PRUNE2: variants seen among roughly 807,000 people sequenced by gnomAD.
PRUNE2 encodes prune homolog 2 with BCH domain.
A neutral mutation model predicts 252.0 loss-of-function variants in PRUNE2; 164 were observed. The observed-to-expected ratio is 0.65, with a 90% CI of 0.57 to 0.74. PRUNE2 has a LOEUF of 0.74. Ranked by LOEUF, PRUNE2 falls within the 30% of genes least tolerant of loss-of-function variation. The pLI, the probability that PRUNE2 is intolerant of heterozygous loss-of-function variation, is 0.00. For missense variants in PRUNE2, 3,495 were observed against 3,711.0 expected (o/e 0.94, Z 1.51); for synonymous variants, 1,292 against 1,350.2 (o/e 0.96, Z 0.94).
At chr9:76,642,307 A>G (rs554271535) in intron 12 of PRUNE2, among the ~76,000 whole-genome samples, 1 of 152,356 alleles carries the variant, frequency 6.6e-6, no homozygotes, top group South Asian at 2.1e-4. Flanking sequence ...TACCAAGGTT[A>G]CAGACTAGTA....
intron 4 of PRUNE2, among the ~76,000 whole-genome samples, chr9:76,827,383 C>T (rs778676816): frequency 1.3e-3 from 191 of 152,098 alleles, no homozygotes; most frequent in Non-Finnish European, 1.5e-3. Context: ...GTGTGAAGGA[C>T]CTTGCACAAA....
intron 4 of PRUNE2, among the ~76,000 whole-genome samples, chr9:76,828,171 GA>G (rs1421333942): frequency 6.6e-6 from 1 of 152,238 alleles, no homozygotes; most frequent in Non-Finnish European, 1.5e-5. Context: ...TCTTCCTAGA[GA>G]AAGTTAACCT....
intron 6 of PRUNE2, among the ~76,000 whole-genome samples, chr9:76,728,954 T>C (rs1438325687): frequency 6.6e-6 from 1 of 152,234 alleles, no homozygotes; most frequent in Non-Finnish European, 1.5e-5. Context: ...TACAACTCCA[T>C]TAACAGTAAG....
intron 1 of PRUNE2, among the ~76,000 whole-genome samples, chr9:76,891,836 G>A (rs2062493621): frequency 6.6e-6 from 1 of 152,100 alleles, no homozygotes; most frequent in Non-Finnish European, 1.5e-5. Context: ...GGGCAAGGCT[G>A]GACTTAACCT....
At chr9:76,880,059 A>C (rs1019240050) in intron 1 of PRUNE2, among the ~76,000 whole-genome samples, 45 of 151,120 alleles carry the variant, frequency 3.0e-4, no homozygotes, top group Admixed American at 1.2e-3. Context: ...GACTACAGGC[A>C]CGCGCCACCA....
chr9:76,648,614 C>T (rs1845924732), intron 11 of PRUNE2, among the ~76,000 whole-genome samples: 1 of 152,144 alleles, frequency 6.6e-6, no homozygotes, highest in African/African-American at 2.4e-5. Flanking sequence ...AGAGGCAAAA[C>T]TATGGAGACA....
At chr9:76,794,202 C>T (rs528426838) in intron 6 of PRUNE2, among the ~76,000 whole-genome samples, 4 of 152,274 alleles carry the variant, frequency 2.6e-5, no homozygotes, top group East Asian at 1.9e-4. Context: ...CAACGAGATA[C>T]GGTGCTTCAG....
At position 76,612,106 on chromosome 9, in the gene PRUNE2, C is replaced by T. The variant is rs953100265; in HGVS notation, c.*2464G>A. The T allele has an allele frequency of 1.3e-5, 2 of 152,214 alleles. No individual in the cohort carries two copies. The highest frequency in any genetic ancestry group is 2.9e-5 in the Non-Finnish European group (2 of 68,048). 9.4% of individuals were successfully genotyped at this position (152,214 alleles called of 1,614,324 possible). On this transcript the variant is annotated 3_prime_UTR_variant, in exon 19 of 19. Coordinates refer to ENST00000376718, the MANE Select transcript of PRUNE2 (RefSeq NM_015225.3). The stretch of plus-strand genomic sequence containing the variant: ...TGTACATGGTAGCTTTTCCCTAGCA[C>T]ATGCAATTAAATTAATTTGTCTTTT...
chr9:76,713,807 G>A, intron 6 of PRUNE2, 86 bp from the exon 7 acceptor site: 1 of 824,974 alleles, frequency 1.2e-6, no homozygotes. Flanking sequence ...GTCTTATGAT[G>A]TATTTAGGAG....
At chr9:76,734,059 G>C (rs17081141) in intron 6 of PRUNE2, among the ~76,000 whole-genome samples, 7,964 of 151,982 alleles carry the variant, frequency 0.052, 663 homozygotes, top group African/African-American at 0.18. Flanking sequence ...TTCAATGGAA[G>C]GGCTACTCAA....
At chr9:76,826,819 A>G (rs1408143629) in intron 4 of PRUNE2, 87 bp from the exon 5 acceptor site, 1 of 1,104,758 alleles carries the variant, frequency 9.1e-7, no homozygotes, top group East Asian at 2.5e-5. Flanking sequence ...TGGCCTCTCA[A>G]TCTAAGCTTT....
chr9:76,737,673 AG>A (rs1312282150), intron 6 of PRUNE2: 1 of 152,216 alleles, frequency 6.6e-6, no homozygotes, highest in East Asian at 1.9e-4. Context: ...GAATACTAAG[AG>A]ATTTCTTTTC....
intron 9 of PRUNE2, among the ~76,000 whole-genome samples, chr9:76,664,374 T>C (rs1177723415): frequency 6.6e-6 from 1 of 152,230 alleles, no homozygotes; most frequent in African/African-American, 2.4e-5. Flanking sequence ...AGGCAGATCC[T>C]GCAGCCTGGC....
intron 17 of PRUNE2, among the ~76,000 whole-genome samples, chr9:76,623,294 C>T (rs1225309427): frequency 2.0e-5 from 3 of 148,656 alleles, no homozygotes; most frequent in African/African-American, 7.7e-5. Context: ...AAGAGAATGA[C>T]TGGATTTTTT....
intron 6 of PRUNE2, among the ~76,000 whole-genome samples, chr9:76,732,500 T>C (rs2048714453): frequency 6.6e-6 from 1 of 152,198 alleles, no homozygotes; most frequent in Non-Finnish European, 1.5e-5. Context: ...TCATTTACTC[T>C]AACTTTAGAA....
At chr9:76,828,368 A>C (rs1191091422) in intron 4 of PRUNE2, among the ~76,000 whole-genome samples, 1 of 152,166 alleles carries the variant, frequency 6.6e-6, no homozygotes, top group Non-Finnish European at 1.5e-5. Context: ...TAGGTTGGAG[A>C]GATAGAGATA....
chr9:76,892,009 G>T (rs943871594), intron 1 of PRUNE2, among the ~76,000 whole-genome samples: 5 of 152,020 alleles, frequency 3.3e-5, no homozygotes, highest in African/African-American at 4.8e-5. Flanking sequence ...GTTCCATAAG[G>T]CTCAATCTTT....
At chr9:76,797,658 GATCT>G (rs1353837454) in intron 6 of PRUNE2, among the ~76,000 whole-genome samples, 1 of 151,944 alleles carries the variant, frequency 6.6e-6, no homozygotes, top group African/African-American at 2.4e-5. Context: ...CTTTTTCATA[GATCT>G]TGAACCGCCC....
At chr9:76,717,488 C>T (rs114717322) in intron 6 of PRUNE2, among the ~76,000 whole-genome samples, 5 of 152,120 alleles carry the variant, frequency 3.3e-5, no homozygotes, top group Non-Finnish European at 7.3e-5. Context: ...TTTATTCCCC[C>T]CATCTGCCTT....
Sources: allele counts gnomAD v4.1 joint callset (sites outside exome capture counted in the v4.1 genomes callset), GRCh38; gene constraint gnomAD v4.1.1; transcripts MANE v1.5; gene names NCBI Gene and HGNC (gene_info 2026-07-23, HGNC 2026-07-21).